Variants in UPP1 observed in about 807,000 individuals in gnomAD.
UPP1 encodes the protein UPase 1.
A neutral mutation model predicts 29.6 loss-of-function variants in UPP1; 25 were observed. The observed-to-expected ratio is 0.85, with a 90% CI of 0.62 to 1.18. The LOEUF (loss-of-function observed/expected upper bound fraction) is 1.18, where lower values mean the gene tolerates loss of function less well. Among genes scored for constraint, UPP1 ranks in the 50% most tolerant of loss-of-function variants. The pLI is 0.00. For synonymous variants in UPP1, 165 were observed against 159.8 expected, an observed-to-expected ratio of 1.03 and a Z score of -0.25; for missense variants, 368 against 410.4, an observed-to-expected ratio of 0.90 and a Z score of 0.89.
At chr7:48,107,826 T>C (rs1222493206) in intron 8 of UPP1, among the ~76,000 whole-genome samples, 2 of 152,174 alleles carry the variant, frequency 1.3e-5, no homozygotes, top group African/African-American at 4.8e-5. Flanking sequence ...TTCTGAATTG[T>C]GGTTCATCTA....
chr7:48,101,552 A>T (rs1041041510), intron 4 of UPP1, among the ~76,000 whole-genome samples: 1 of 152,032 alleles, frequency 6.6e-6, no homozygotes, highest in African/African-American at 2.4e-5. Flanking sequence ...AGGACCTGGA[A>T]TTACCTCCTC....
intron 3 of UPP1, 65 bp from the exon 4 acceptor site, chr7:48,099,605 T>A: frequency 8.7e-7 from 1 of 1,152,286 alleles, no homozygotes; most frequent in Non-Finnish European, 1.3e-6. Flanking sequence ...AGGCCACTTC[T>A]GTGATAATGT....
chr7:48,103,850 A>T, intron 6 of UPP1: 1 of 1,289,806 alleles, frequency 7.8e-7, no homozygotes, highest in Non-Finnish European at 1.0e-6. Context: ...GCGCAGTACA[A>T]AACTCAGATA....
At chr7:48,094,667 C>G (rs1792030452) in intron 2 of UPP1, 96 bp from the exon 3 acceptor site, 10 of 1,059,898 alleles carry the variant, frequency 9.4e-6, no homozygotes, top group Admixed American at 8.0e-5. Flanking sequence ...AGGAATTCCA[C>G]TTCATTGCAC....
At chr7:48,092,369 C>T (rs1791885138) in intron 2 of UPP1, among the ~76,000 whole-genome samples, 1 of 152,146 alleles carries the variant, frequency 6.6e-6, no homozygotes, top group Admixed American at 6.5e-5. Flanking sequence ...GACCCCTACG[C>T]CCCGGGATCC....
intron 6 of UPP1, chr7:48,103,641 C>A: frequency 1.1e-6 from 1 of 905,600 alleles, no homozygotes; most frequent in Non-Finnish European, 1.6e-6. Context: ...CCACACCATG[C>A]ATATGGGGGA....
intron 3 of UPP1, among the ~76,000 whole-genome samples, chr7:48,098,716 A>C (rs995219626): frequency 6.6e-6 from 1 of 152,216 alleles, no homozygotes; most frequent in African/African-American, 2.4e-5. Flanking sequence ...GCAGAAAGTC[A>C]GACTCAGAAG....
At chr7:48,104,712 G>A (rs995207872) in intron 6 of UPP1, 8 of 152,176 alleles carry the variant, frequency 5.3e-5, no homozygotes, top group African/African-American at 9.7e-5. Context: ...CAAGTTTAGC[G>A]AAATTGTCCC....
At chr7:48,094,712 C>G in intron 2 of UPP1, 51 bp from the exon 3 acceptor site, 3 of 1,567,200 alleles carry the variant, frequency 1.9e-6, no homozygotes, top group Non-Finnish European at 2.6e-6. Flanking sequence ...TCTGCACGAT[C>G]TTGGTTTCTA....
At position 48,108,559 on chromosome 7, in the gene UPP1, G is replaced by A. The variant is rs1292954747; in HGVS notation, c.*202G>A. On this transcript the variant is annotated 3_prime_UTR_variant, in exon 9 of 9. Transcript: ENST00000395564. ...GTTTCATTGGAGCATTTTCAATGAT[G>A]TTAGCCTGATTTGGGGTTTCTTCAA... 1 of 566,194 alleles carries A rather than the reference G, an allele frequency of 1.8e-6. No individual in the cohort carries two copies. The highest frequency in any genetic ancestry group is 1.9e-5 in the African/African-American group (1 of 52,380). The allele number at this position is 566,194 out of a possible 1,614,324, so 35.1% of individuals were successfully genotyped here.
At chr7:48,107,530 C>T (rs780356423) in intron 8 of UPP1, 23 bp downstream of exon 8, 16 of 1,586,108 alleles carry the variant, frequency 1.0e-5, no homozygotes, top group South Asian at 4.6e-5. Flanking sequence ...TGATGGGCCT[C>T]GGCGTCCCCT....
rs1339542532 is a variant in UPP1 at position 48,108,403 on chromosome 7, A to T, written c.*46A>T. 1 of 1,578,326 alleles carries T rather than the reference A, an allele frequency of 6.3e-7. No homozygotes were observed. The highest frequency in any genetic ancestry group is 8.7e-7 in the Non-Finnish European group (1 of 1,155,082). ...AGACCTGCTGTGATGACTTGCCATT[A>T]AAAGCATTGTCCAAAATCCCCTGTT... On this transcript the variant is annotated 3_prime_UTR_variant, in exon 9 of 9. Transcript: ENST00000395564.
At position 48,107,256 on chromosome 7, in the gene UPP1, G is replaced by C. The variant is rs1583884842; in HGVS notation, c.647-105G>C. The C allele has an allele frequency of 4.8e-6, 7 of 1,457,776 alleles. No homozygotes were observed. The South Asian group carries it at 5.1e-5, about 11-fold the overall frequency. The allele number at this position is 1,457,776 out of a possible 1,614,324, so 90.3% of individuals were successfully genotyped here. A position where few individuals can be genotyped will look rare whatever the true frequency, so the allele number is the denominator to read the frequency against. Reference sequence around the variant, plus strand: ...GAGTGGTCATTATAGGCAGGACCTGGATGGGTCTTGCTTGTCCCTGTGTCC... The same window carrying C: ...GAGTGGTCATTATAGGCAGGACCTGCATGGGTCTTGCTTGTCCCTGTGTCC... On this transcript the variant is annotated intron_variant, in intron 7 of 8. Transcript: ENST00000395564.
chr7:48,103,492 C>T (rs563959305), intron 6 of UPP1, 81 bp downstream of exon 6: 1 of 1,225,064 alleles, frequency 8.2e-7, no homozygotes, highest in Non-Finnish European at 1.2e-6. Context: ...CATGGTGTGG[C>T]ATTAGAGACA....
chr7:48,097,748 T>C (rs1044819675), intron 3 of UPP1, among the ~76,000 whole-genome samples: 1 of 152,160 alleles, frequency 6.6e-6, no homozygotes, highest in Non-Finnish European at 1.5e-5. Flanking sequence ...AGGAGGAGAA[T>C]GGAAATGTTA....
At chr7:48,106,342 C>T (rs1562659048) in intron 6 of UPP1, 1 of 153,170 alleles carries the variant, frequency 6.5e-6, no homozygotes, top group Non-Finnish European at 1.5e-5. Flanking sequence ...ATGGAGTTTG[C>T]TCTTTTTGCC....
At chr7:48,090,631 T>C (rs192790364) in intron 2 of UPP1, among the ~76,000 whole-genome samples, 8 of 152,320 alleles carry the variant, frequency 5.3e-5, no homozygotes, top group Admixed American at 1.3e-4. Flanking sequence ...GTGACTTCCT[T>C]GAATAGAAAG....
chr7:48,103,834 A>G, intron 6 of UPP1: 1 of 1,290,038 alleles, frequency 7.8e-7, no homozygotes, highest in Non-Finnish European at 1.0e-6. Context: ...AGGGGGGAAG[A>G]GAGAGGCGCA....
chr7:48,096,230 A>C (rs1039427679), intron 3 of UPP1, among the ~76,000 whole-genome samples: 1 of 152,174 alleles, frequency 6.6e-6, no homozygotes, highest in Non-Finnish European at 1.5e-5. Flanking sequence ...ATCCTCAGCT[A>C]TCTGCTAATC....
Sources: allele counts gnomAD v4.1 joint callset (sites outside exome capture counted in the v4.1 genomes callset), GRCh38; gene constraint gnomAD v4.1.1; transcripts MANE v1.5; gene names NCBI Gene and HGNC (gene_info 2026-07-23, HGNC 2026-07-21).